The following EIF4E3 variants were observed in gnomAD, a reference collection of about 807,000 sequenced individuals.
The protein encoded by EIF4E3 is eukaryotic translation initiation factor 4E family member 3, also known as eukaryotic translation initiation factor 4E type 3.
Under a neutral mutation model 31.7 loss-of-function variants are expected in EIF4E3, and 26 were observed. The observed-to-expected ratio is 0.82, with a 90% CI of 0.60 to 1.14. The LOEUF (loss-of-function observed/expected upper bound fraction) is 1.14. Among genes scored for constraint, EIF4E3 ranks in the 50% most tolerant of loss-of-function variants. EIF4E3 has a pLI of 0.00. For missense variants in EIF4E3, 304 were observed against 270.9 expected, an observed-to-expected ratio of 1.12 and a Z score of -0.86; for synonymous variants, 128 against 107.7, an observed-to-expected ratio of 1.19 and a Z score of -1.17.
upstream of EIF4E3, chr3:71,754,651 A>G (rs2049983048): frequency 1.3e-6 from 2 of 1,496,580 alleles, no homozygotes; most frequent in African/African-American, 1.5e-5. The surrounding 1 kb of genome is among the most constrained non-coding windows in gnomAD (Gnocchi z 5.8). Flanking sequence ...CACCTCGTCT[A>G]CCTCCGCCTG....
At chr3:71,745,071 C>G (rs1462485822) in intron 1 of EIF4E3, among the ~76,000 whole-genome samples, 1 of 152,180 alleles carries the variant, frequency 6.6e-6, no homozygotes, top group Non-Finnish European at 1.5e-5. Flanking sequence ...ACATGGGAGT[C>G]TAAGGAGAAT....
intron 3 of EIF4E3, among the ~76,000 whole-genome samples, chr3:71,699,040 G>A (rs899487516): frequency 1.4e-4 from 21 of 152,090 alleles, no homozygotes; most frequent in African/African-American, 3.4e-4. Flanking sequence ...GGGCAACAAG[G>A]TGAAATCCCA....
Position 71,677,479 on chromosome 3 carries a change from A to C in EIF4E3, c.*7203T>G, listed in dbSNP as rs2048882843. 6.6e-6 allele frequency: 1 copy of C among 152,214 alleles called. No individual in the cohort carries two copies. Among genetic ancestry groups the C allele is most frequent in the South Asian group, 2.1e-4 (1 of 4,836 alleles). 9.4% of individuals were successfully genotyped at this position (152,214 alleles called of 1,614,324 possible). ...GTGACAAGGCAGAGGAACCTATGCT[A>C]ATAGAACAACCGAGAACACATTCCA... is the stretch of plus-strand genomic sequence containing the variant. On this transcript the variant is annotated 3_prime_UTR_variant, in exon 7 of 7. Coordinates refer to ENST00000425534, the MANE Select transcript of EIF4E3 (RefSeq NM_001134651.2).
chr3:71,729,553 TG>T (rs1399763048), upstream of EIF4E3, among the ~76,000 whole-genome samples: 1 of 152,222 alleles, frequency 6.6e-6, no homozygotes, highest in Non-Finnish European at 1.5e-5. Flanking sequence ...TCTCCACATA[TG>T]AGGACTGGAC....
At chr3:71,663,957 GGTAA>G in the EIF4E3 span, among the ~76,000 whole-genome samples, 2 of 152,172 alleles carry the variant, frequency 1.3e-5, no homozygotes, top group South Asian at 4.1e-4. Flanking sequence ...AGATCAGGCA[GGTAA>G]GTGGGCAGGG....
At chr3:71,721,772 A>C (rs1426702357) in intron 1 of EIF4E3, among the ~76,000 whole-genome samples, 1 of 152,042 alleles carries the variant, frequency 6.6e-6, no homozygotes, top group Non-Finnish European at 1.5e-5. Context: ...TCTTTCCTTT[A>C]TAAGTTACCC....
intron 1 of EIF4E3, among the ~76,000 whole-genome samples, chr3:71,744,741 T>C (rs961540919): frequency 6.6e-6 from 1 of 152,154 alleles, no homozygotes; most frequent in African/African-American, 2.4e-5. Flanking sequence ...CGAGACTCCG[T>C]CTCAAAAAAA....
chr3:71,754,593 G>C (rs2049982187), upstream of EIF4E3: 11 of 1,420,568 alleles, frequency 7.7e-6, no homozygotes, highest in African/African-American at 1.5e-5. This position sits in a 1 kb window ranked among gnomAD's most constrained non-coding sequence, Gnocchi z 5.8. Flanking sequence ...CGGCGCCCCC[G>C]GCGCGCTGGG....
chr3:71,716,703 A>G (rs1171224457), intron 1 of EIF4E3, among the ~76,000 whole-genome samples: 1 of 152,234 alleles, frequency 6.6e-6, no homozygotes, highest in Non-Finnish European at 1.5e-5. Context: ...TGAAGGTGGT[A>G]AGGTAACTTG....
upstream of EIF4E3, among the ~76,000 whole-genome samples, chr3:71,727,844 T>C (rs370938449): frequency 1.9e-3 from 292 of 152,244 alleles, no homozygotes; most frequent in African/African-American, 6.7e-3. Flanking sequence ...AACAATATCC[T>C]CAGCAAAAAA....
chr3:71,747,080 T>C (rs894303460), intron 1 of EIF4E3, among the ~76,000 whole-genome samples: 3 of 152,244 alleles, frequency 2.0e-5, no homozygotes, highest in East Asian at 1.9e-4. Context: ...GGAATGACGA[T>C]GTTATGAACA....
intron 1 of EIF4E3, among the ~76,000 whole-genome samples, chr3:71,732,813 A>G (rs2049720856): frequency 6.6e-6 from 1 of 152,270 alleles, no homozygotes; most frequent in Non-Finnish European, 1.5e-5. Context: ...CATGTGCTTG[A>G]GCCAATGTCT....
At chr3:71,728,108 A>G (rs1160873844), upstream of EIF4E3, among the ~76,000 whole-genome samples, 1 of 152,188 alleles carries the variant, frequency 6.6e-6, no homozygotes, top group Non-Finnish European at 1.5e-5. Context: ...TATTTTAAAG[A>G]CCTAATAGCA....
chr3:71,719,791 A>C (rs958501330), intron 1 of EIF4E3, among the ~76,000 whole-genome samples: 1 of 152,084 alleles, frequency 6.6e-6, no homozygotes, highest in African/African-American at 2.4e-5. Flanking sequence ...AGGTGGGAGA[A>C]TTGCTCGAGC....
At chr3:71,690,705 G>T (rs978526491) in intron 5 of EIF4E3, among the ~76,000 whole-genome samples, 1 of 152,138 alleles carries the variant, frequency 6.6e-6, no homozygotes, top group Admixed American at 6.6e-5. Flanking sequence ...TGCTTTCTGC[G>T]GTTTACTTGT....
chr3:71,669,602 T>G, the EIF4E3 span, among the ~76,000 whole-genome samples: 17 of 151,970 alleles, frequency 1.1e-4, no homozygotes, highest in African/African-American at 3.9e-4. Flanking sequence ...TATGTTATAA[T>G]CACAAGTCAC....
intron 1 of EIF4E3, among the ~76,000 whole-genome samples, chr3:71,711,846 G>A (rs922762674): frequency 6.6e-6 from 1 of 152,186 alleles, no homozygotes; most frequent in Non-Finnish European, 1.5e-5. Flanking sequence ...AGCCGGGAGT[G>A]GTGGTGCTCA....
At chr3:71,747,722 T>C (rs536470276) in intron 1 of EIF4E3, among the ~76,000 whole-genome samples, 3 of 152,330 alleles carry the variant, frequency 2.0e-5, no homozygotes, top group African/African-American at 4.8e-5. Context: ...TTTACTCCTA[T>C]ATTTTCTTCT....
chr3:71,741,272 G>C (rs1412667280), intron 1 of EIF4E3, among the ~76,000 whole-genome samples: 3 of 152,040 alleles, frequency 2.0e-5, no homozygotes, highest in African/African-American at 7.2e-5. Flanking sequence ...TTGATCCTTA[G>C]CTTGATGTTA....
Sources: gnomAD v4.1 joint callset for allele counts (sites outside exome capture counted in the v4.1 genomes callset) on GRCh38, gnomAD v4.1.1 for gene constraint, Gnocchi (gnomAD v3.1) non-coding constraint, MANE v1.5 for transcripts, NCBI Gene and HGNC (gene_info 2026-07-23, HGNC 2026-07-21) for gene names.